Variants in TBC1D1 observed in about 807,000 individuals in gnomAD.
TBC1D1 encodes TBC1 (tre-2/USP6, BUB2, cdc16) domain family, member 1.
Under a neutral mutation model 125.6 loss-of-function variants are expected in TBC1D1, and 89 were observed. That is an observed-to-expected ratio of 0.71 (90% CI 0.60 to 0.85). The LOEUF (loss-of-function observed/expected upper bound fraction) is 0.85, where lower values mean the gene tolerates loss of function less well. Ranked by LOEUF, TBC1D1 falls within the 40% of genes least tolerant of loss-of-function variation. The pLI, the probability that TBC1D1 is intolerant of heterozygous loss-of-function variation, is 0.00. For missense variants in TBC1D1, 1,377 were observed against 1,469.2 expected, an observed-to-expected ratio of 0.94 and a Z score of 1.03; for synonymous variants, 565 against 564.1, an observed-to-expected ratio of 1.00 and a Z score of -0.02.
intron 7 of TBC1D1, among the ~76,000 whole-genome samples, chr4:38,034,943 G>T (rs1270848552): frequency 6.6e-6 from 1 of 152,182 alleles, no homozygotes; most frequent in Non-Finnish European, 1.5e-5. Context: ...AGCAGACAGG[G>T]AAGCTAGAAT....
At chr4:38,019,314 T>C (rs1743496180) in intron 4 of TBC1D1, among the ~76,000 whole-genome samples, 2 of 152,150 alleles carry the variant, frequency 1.3e-5, no homozygotes, top group African/African-American at 4.8e-5. Flanking sequence ...CTTTACAGAT[T>C]GAATAGGGAA....
At chr4:38,087,840 C>T (rs1409413269) in intron 12 of TBC1D1, among the ~76,000 whole-genome samples, 7 of 116,848 alleles carry the variant, frequency 6.0e-5, no homozygotes, top group Non-Finnish European at 1.2e-4. Context: ...AATGAGATTC[C>T]GTCTCAAAAA....
intron 10 of TBC1D1, among the ~76,000 whole-genome samples, chr4:38,046,889 G>A (rs1443152308): frequency 6.6e-6 from 1 of 152,110 alleles, no homozygotes. Context: ...CTCTTTGGCA[G>A]TAGTGAGGGA....
chr4:38,119,909 C>T, intron 17 of TBC1D1: 1 of 984,994 alleles, frequency 1.0e-6, no homozygotes, highest in Non-Finnish European at 1.2e-6. Flanking sequence ...CCTGGGGCCC[C>T]AGGCACTGGA....
chr4:38,134,028 C>T (rs923714465), intron 19 of TBC1D1, among the ~76,000 whole-genome samples: 6 of 152,170 alleles, frequency 3.9e-5, no homozygotes, highest in African/African-American at 1.4e-4. Context: ...TTTTTAATGT[C>T]ACAAGTGTGT....
At chr4:37,947,257 A>G (rs1726896899) in intron 2 of TBC1D1, among the ~76,000 whole-genome samples, 1 of 152,172 alleles carries the variant, frequency 6.6e-6, no homozygotes, top group Non-Finnish European at 1.5e-5. Context: ...CCTGGGTTCA[A>G]GCGATTCTCC....
rs547365349 is a variant in TBC1D1 at position 38,053,185 on chromosome 4, G to A, written c.1911-1014G>A. On this transcript the variant is annotated intron_variant, in intron 11 of 19. Coordinates refer to ENST00000261439, the MANE Select transcript of TBC1D1 (RefSeq NM_015173.4). ...AAATTTTCTAAAATTTCTGGCTCCT[G>A]TAGATGAAAATAACACCTCTGATTT... 4.7e-5 allele frequency: 72 copies of A among 1,530,962 alleles called. No homozygotes were observed. In the East Asian group the frequency reaches 4.8e-4, roughly 10 times the overall value. 94.8% of individuals were successfully genotyped at this position (1,530,962 alleles called of 1,614,324 possible). A position where few individuals can be genotyped will look rare whatever the true frequency, so the allele number is the denominator to read the frequency against.
intron 2 of TBC1D1, among the ~76,000 whole-genome samples, chr4:37,973,920 G>T (rs918823625): frequency 2.6e-5 from 4 of 152,152 alleles, no homozygotes; most frequent in African/African-American, 9.7e-5. Context: ...TCTAGATTAG[G>T]GCAGGGCCTG....
intron 12 of TBC1D1, among the ~76,000 whole-genome samples, chr4:38,087,400 A>T (rs1340183556): frequency 6.6e-6 from 1 of 152,166 alleles, no homozygotes; most frequent in African/African-American, 2.4e-5. Context: ...CCTGAGTTAC[A>T]CCTGCTCATT....
chr4:38,018,272 G>T, intron 3 of TBC1D1, 82 bp from the exon 4 acceptor site: 1 of 1,025,746 alleles, frequency 9.7e-7, no homozygotes. Flanking sequence ...TTTTATAGGA[G>T]CTTGTCCCTT....
rs562586904 is a variant in TBC1D1 at position 38,004,174 on chromosome 4, G to C, written c.418-10335G>C. On this transcript the variant is annotated intron_variant, in intron 2 of 19. Transcript: ENST00000261439. ...CATAGCTTCAGCTGCCTAGCAGTTA[G>C]GGCTGACTTTCTCCTGATAGTTGTG... is the stretch of plus-strand genomic sequence containing the variant. 8.5e-5 allele frequency among the ~76,000 whole-genome samples: 13 copies of C among 152,330 alleles called. 1 individual carries two copies. In the East Asian group the frequency reaches 2.5e-3, roughly 29 times the overall value.
intron 2 of TBC1D1, among the ~76,000 whole-genome samples, chr4:37,928,360 T>C (rs1722545636): frequency 6.6e-6 from 1 of 152,254 alleles, no homozygotes; most frequent in South Asian, 2.1e-4. Flanking sequence ...TGTTTTGTTT[T>C]ACACACTTTT....
intron 2 of TBC1D1, among the ~76,000 whole-genome samples, chr4:37,988,919 C>A (rs947171578): frequency 1.3e-5 from 2 of 152,180 alleles, no homozygotes; most frequent in African/African-American, 4.8e-5. Flanking sequence ...AAACAGAGAT[C>A]TTAAGACTGC....
intron 2 of TBC1D1, among the ~76,000 whole-genome samples, chr4:37,930,356 C>G (rs184505561): frequency 6.6e-6 from 1 of 152,170 alleles, no homozygotes; most frequent in Non-Finnish European, 1.5e-5. Flanking sequence ...GAGTCTCACT[C>G]TGTCACCCAG....
chr4:37,969,534 T>C (rs1402346931), intron 2 of TBC1D1, among the ~76,000 whole-genome samples: 1 of 152,172 alleles, frequency 6.6e-6, no homozygotes, highest in South Asian at 2.1e-4. Flanking sequence ...TTGGTGGAGA[T>C]GGGGTTTCAC....
intron 2 of TBC1D1, chr4:37,952,773 C>CAT (rs1728160733): frequency 6.6e-6 from 1 of 152,242 alleles, no homozygotes; most frequent in Non-Finnish European, 1.5e-5. Context: ...TGCACATGTA[C>CAT]CCTGAAACTT....
At chr4:37,925,812 T>TA (rs34304009) in intron 2 of TBC1D1, among the ~76,000 whole-genome samples, 98 of 151,152 alleles carry the variant, frequency 6.5e-4, no homozygotes, top group Middle Eastern at 3.4e-3. Flanking sequence ...ATAACTGTTC[T>TA]AAAAAAAAAG....
rs1762937154 is a variant in TBC1D1 at position 38,116,064 on chromosome 4, C to T, written c.2802+110C>T. On this transcript the variant is annotated intron_variant, in intron 16 of 19. Transcript: ENST00000261439. ...TCACCGTCAGGTAACATTGTAATAGCTGTCACTGCTGATAAAGGACTCTGT... is the reference window on the plus strand; with the variant it reads ...TCACCGTCAGGTAACATTGTAATAGTTGTCACTGCTGATAAAGGACTCTGT... 9 of 1,179,316 alleles carry T rather than the reference C, an allele frequency of 7.6e-6. No individual in the cohort carries two copies. In the South Asian group the frequency reaches 1.3e-4, roughly 17 times the overall value. The allele number at this position is 1,179,316 out of a possible 1,614,324, so 73.1% of individuals were successfully genotyped here.
intron 2 of TBC1D1, among the ~76,000 whole-genome samples, chr4:37,905,640 A>G (rs1172669204): frequency 2.0e-5 from 3 of 152,250 alleles, no homozygotes; most frequent in African/African-American, 4.8e-5. Flanking sequence ...AAACACTCTC[A>G]TGATAAACAG....
Sources: allele counts gnomAD v4.1 joint callset (sites outside exome capture counted in the v4.1 genomes callset), GRCh38; gene constraint gnomAD v4.1.1; transcripts MANE v1.5; gene names NCBI Gene and HGNC (gene_info 2026-07-23, HGNC 2026-07-21).